Variants in THTPA observed in about 807,000 individuals in gnomAD.
THTPA encodes thiamine triphosphatase.
A neutral mutation model predicts 16.5 loss-of-function variants in THTPA; 16 were observed. The observed-to-expected ratio is 0.97, with a 90% CI of 0.66 to 1.47. The LOEUF (loss-of-function observed/expected upper bound fraction) is 1.47. Among genes scored for constraint, THTPA ranks in the 40% most tolerant of loss-of-function variants. THTPA has a pLI of 0.00. For missense variants in THTPA, 281 were observed against 280.9 expected, an observed-to-expected ratio of 1.00 and a Z score of 0.00; for synonymous variants, 110 against 115.5, an observed-to-expected ratio of 0.95 and a Z score of 0.30.
the THTPA span, among the ~76,000 whole-genome samples, chr14:23,546,918 A>G: frequency 6.6e-6 from 1 of 152,238 alleles, no homozygotes; most frequent in East Asian, 1.9e-4. This position sits in a 1 kb window ranked among gnomAD's most constrained non-coding sequence, Gnocchi z 4.7. Context: ...CTTGCTTATT[A>G]TAGCCAGACT....
At chr14:23,523,165 T>G in the THTPA span, 1 of 1,409,142 alleles carries the variant, frequency 7.1e-7, no homozygotes, top group Non-Finnish European at 9.2e-7. The surrounding 1 kb of genome is among the most constrained non-coding windows in gnomAD (Gnocchi z 4.1). Flanking sequence ...GAGGGGGATG[T>G]TCTCTGAAGT....
chr14:23,540,519 G>A, the THTPA span, among the ~76,000 whole-genome samples: 1 of 152,190 alleles, frequency 6.6e-6, no homozygotes, highest in Non-Finnish European at 1.5e-5. Context: ...AGGATGAGAT[G>A]TGTGTACCCC....
At chr14:23,519,298 G>A in the THTPA span, among the ~76,000 whole-genome samples, 411 of 152,186 alleles carry the variant, frequency 2.7e-3, no homozygotes, top group Non-Finnish European at 4.1e-3. Context: ...TCTTTAAAAC[G>A]TTTCCTTTGT....
the THTPA span, among the ~76,000 whole-genome samples, chr14:23,537,261 C>T: frequency 3.3e-5 from 5 of 151,942 alleles, no homozygotes; most frequent in African/African-American, 7.3e-5. Context: ...GAACCTCCCC[C>T]TCAAACTCAC....
chr14:23,523,112 G>A, the THTPA span: 4 of 1,402,224 alleles, frequency 2.9e-6, no homozygotes, highest in East Asian at 1.0e-4. This position sits in a 1 kb window ranked among gnomAD's most constrained non-coding sequence, Gnocchi z 4.1. Flanking sequence ...CAGGAGATTG[G>A]GCATGGGAAG....
the THTPA span, chr14:23,533,950 T>C: frequency 1.3e-6 from 2 of 1,537,994 alleles, no homozygotes; most frequent in Non-Finnish European, 1.7e-6. The surrounding 1 kb of genome is among the most constrained non-coding windows in gnomAD (Gnocchi z 4.8). Context: ...GTAGTGCCAG[T>C]TGCACTTGGG....
the THTPA span, chr14:23,530,249 G>A: frequency 7.6e-7 from 1 of 1,315,336 alleles, no homozygotes; most frequent in Non-Finnish European, 1.1e-6. Flanking sequence ...AGGGAAGGGA[G>A]GACATAGGAC....
At chr14:23,548,067 TCC>T in the THTPA span, among the ~76,000 whole-genome samples, 3 of 152,224 alleles carry the variant, frequency 2.0e-5, no homozygotes, top group African/African-American at 7.2e-5. Flanking sequence ...CCCGATCCCT[TCC>T]CTCTGCATTC....
the THTPA span, among the ~76,000 whole-genome samples, chr14:23,539,300 A>G: frequency 2.0e-5 from 3 of 152,218 alleles, no homozygotes; most frequent in African/African-American, 7.2e-5. Context: ...GCTACTTTCA[A>G]GGCTCAGCCA....
At chr14:23,538,041 G>A in the THTPA span, 1 of 152,488 alleles carries the variant, frequency 6.6e-6, no homozygotes, top group East Asian at 1.9e-4. Context: ...TCAGAGTAGG[G>A]CTAGGCAGAC....
chr14:23,556,840 C>A lies in THTPA; in HGVS notation c.83C>A (p.Thr28Asn), dbSNP rs1281556189. ...TEERLQELGGTLEYRVTFRDT... is the reference protein window; with the variant it reads ...TEERLQELGGNLEYRVTFRDT... ...GAGCGGCTGCAGGAGTTGGGGGGCA[C>A]CCTGGAGTACCGGGTCACCTTCCGA... Residue 28 changes from threonine (T) to asparagine (N), a missense_variant, in exon 1 of 2, where the codon ACC becomes AAC. Transcript: ENST00000288014. 3 of 1,612,892 alleles carry A rather than the reference C, an allele frequency of 1.9e-6. No homozygotes were observed. The African/African-American group carries it at 4.0e-5, about 22-fold the overall frequency.
At chr14:23,512,233 A>G in the THTPA span, among the ~76,000 whole-genome samples, 2 of 152,118 alleles carry the variant, frequency 1.3e-5, no homozygotes, top group Non-Finnish European at 2.9e-5. Context: ...GAAATAGCAG[A>G]GGTTGCAGAA....
chr14:23,534,432 AG>A, the THTPA span: 1 of 1,536,506 alleles, frequency 6.5e-7, no homozygotes, highest in African/African-American at 1.4e-5. This position sits in a 1 kb window ranked among gnomAD's most constrained non-coding sequence, Gnocchi z 4.5. Flanking sequence ...AAGAGGGGCG[AG>A]CAGGGAGTTT....
chr14:23,526,643 G>A, the THTPA span: 3 of 1,535,900 alleles, frequency 2.0e-6, no homozygotes, highest in Admixed American at 2.0e-5. Flanking sequence ...CTCAGGAAGA[G>A]GATCTGGACT....
the THTPA span, chr14:23,525,908 A>G: frequency 1.3e-4 from 191 of 1,440,188 alleles, 1 homozygote; most frequent in Admixed American, 4.7e-3. This position sits in a 1 kb window ranked among gnomAD's most constrained non-coding sequence, Gnocchi z 5.9. Flanking sequence ...GAAGGGGGGC[A>G]GGACTGGTGG....
At chr14:23,522,923 C>T in the THTPA span, 160 of 1,448,014 alleles carry the variant, frequency 1.1e-4, no homozygotes, top group African/African-American at 2.0e-3. Context: ...GCCGAGGAGG[C>T]CTGAGGAGGC....
the THTPA span, chr14:23,534,673 C>T: frequency 6.5e-7 from 1 of 1,536,054 alleles, no homozygotes; most frequent in Non-Finnish European, 8.7e-7. The surrounding 1 kb of genome is among the most constrained non-coding windows in gnomAD (Gnocchi z 4.5). Flanking sequence ...TTTGGGATCT[C>T]CGGGTGGATT....
At chr14:23,516,294 G>A in the THTPA span, among the ~76,000 whole-genome samples, 1 of 152,186 alleles carries the variant, frequency 6.6e-6, no homozygotes, top group African/African-American at 2.4e-5. Flanking sequence ...TCCAATCAGG[G>A]TTTCCCTTGC....
In THTPA at chr14:23,557,417, A is replaced by G. The variant is rs558508636; in HGVS notation, c.547+113A>G. 2.5e-5 allele frequency: 30 copies of G among 1,218,006 alleles called. No individual in the cohort carries two copies. In the Admixed American group the frequency reaches 4.5e-4, roughly 18 times the overall value. 75.4% of individuals were successfully genotyped at this position (1,218,006 alleles called of 1,614,324 possible). A position where few individuals can be genotyped will look rare whatever the true frequency, so the allele number is the denominator to read the frequency against. ...CTCCGGATTAAAAATTTTTTTTTTA[A>G]TAGAGACAAGGTTTTGCCGTGTTGC... is the stretch of plus-strand genomic sequence containing the variant. On this transcript the variant is annotated intron_variant, in intron 1 of 1. Transcript: ENST00000288014.
Sources: gnomAD v4.1 joint callset for allele counts (sites outside exome capture counted in the v4.1 genomes callset) on GRCh38, gnomAD v4.1.1 for gene constraint, Gnocchi (gnomAD v3.1) non-coding constraint, MANE v1.5 for transcripts, NCBI Gene and HGNC (gene_info 2026-07-23, HGNC 2026-07-21) for gene names.